The following ZNF804A variants were observed in gnomAD, a reference collection of about 807,000 sequenced individuals.
ZNF804A encodes the protein zinc finger protein 804A.
A neutral mutation model predicts 16.5 loss-of-function variants in ZNF804A; 2 were observed. The ratio of observed to expected loss-of-function variants is 0.12; its 90% CI spans 0.05 to 0.38. The LOEUF (loss-of-function observed/expected upper bound fraction) is 0.38. ZNF804A is among the 10% of genes least tolerant of loss of function. The pLI, the probability that ZNF804A is intolerant of heterozygous loss-of-function variation, is 0.99. For synonymous variants in ZNF804A, 534 were observed against 489.6 expected (o/e 1.09, Z -1.20); for missense variants, 1,473 against 1,390.7 (o/e 1.06, Z -0.94).
intron 1 of ZNF804A, among the ~76,000 whole-genome samples, chr2:184,808,265 T>C (rs902772742): frequency 6.6e-6 from 1 of 151,736 alleles, no homozygotes; most frequent in East Asian, 1.9e-4. Context: ...TTTAATTTTG[T>C]TTTTATAGTA....
At chr2:184,692,062 A>T (rs1559127668) in intron 1 of ZNF804A, among the ~76,000 whole-genome samples, 1 of 152,066 alleles carries the variant, frequency 6.6e-6, no homozygotes, top group Non-Finnish European at 1.5e-5. Context: ...TTAAGGCTTT[A>T]TGTCTTTGTC....
chr2:184,894,969 C>T (rs1041794201), intron 2 of ZNF804A, among the ~76,000 whole-genome samples: 2 of 152,024 alleles, frequency 1.3e-5, no homozygotes, highest in Admixed American at 1.3e-4. Flanking sequence ...TTAAGATATA[C>T]GTAAAAATAG....
At chr2:184,666,592 T>G (rs957053096) in intron 1 of ZNF804A, among the ~76,000 whole-genome samples, 1 of 152,108 alleles carries the variant, frequency 6.6e-6, no homozygotes, top group Non-Finnish European at 1.5e-5. Context: ...CACTTTGTCC[T>G]GCACAAGTTG....
chr2:184,829,148 C>A (rs918797044), intron 1 of ZNF804A, among the ~76,000 whole-genome samples: 9 of 151,476 alleles, frequency 5.9e-5, no homozygotes, highest in Non-Finnish European at 1.3e-4. Flanking sequence ...TATACATAAT[C>A]TAAATCTAAA....
At chr2:184,622,459 G>T (rs911617006) in intron 1 of ZNF804A, among the ~76,000 whole-genome samples, 1 of 151,608 alleles carries the variant, frequency 6.6e-6, no homozygotes. Context: ...TGCACCAAAA[G>T]GAGCCTTGAT....
chr2:184,869,479 G>C (rs189907787), intron 2 of ZNF804A, among the ~76,000 whole-genome samples: 3 of 152,008 alleles, frequency 2.0e-5, no homozygotes, highest in African/African-American at 4.8e-5. Flanking sequence ...ATATGACTTT[G>C]GGTTAAATAA....
At chr2:184,734,352 T>A (rs1407637270) in intron 1 of ZNF804A, among the ~76,000 whole-genome samples, 1 of 152,216 alleles carries the variant, frequency 6.6e-6, no homozygotes, top group Non-Finnish European at 1.5e-5. Context: ...TCCTACAAAC[T>A]TTTGTAAATT....
intron 1 of ZNF804A, among the ~76,000 whole-genome samples, chr2:184,805,956 A>G (rs1694794541): frequency 6.6e-6 from 1 of 151,972 alleles, no homozygotes; most frequent in Non-Finnish European, 1.5e-5. Context: ...TATTATCTAC[A>G]ATTCTGTAGA....
At chr2:184,658,310 TA>T (rs1377648832) in intron 1 of ZNF804A, among the ~76,000 whole-genome samples, 1 of 152,022 alleles carries the variant, frequency 6.6e-6, no homozygotes, top group East Asian at 1.9e-4. Context: ...ATTTTTAGCC[TA>T]CTAAAAATAC....
At chr2:184,621,321 G>C (rs1047961903) in intron 1 of ZNF804A, among the ~76,000 whole-genome samples, 6 of 151,580 alleles carry the variant, frequency 4.0e-5, no homozygotes, top group African/African-American at 1.5e-4. Flanking sequence ...GTTGATCCCA[G>C]CAACAAATTA....
chr2:184,615,075 A>T (rs1318856068), intron 1 of ZNF804A, among the ~76,000 whole-genome samples: 30 of 152,234 alleles, frequency 2.0e-4, no homozygotes, highest in Non-Finnish European at 4.4e-5. Flanking sequence ...TACTCTAAAG[A>T]CACATGCACA....
chr2:184,831,727 G>C (rs1225751930), intron 1 of ZNF804A, among the ~76,000 whole-genome samples: 1 of 147,512 alleles, frequency 6.8e-6, no homozygotes, highest in Non-Finnish European at 1.5e-5. Context: ...ATGTGATGTT[G>C]GCCTCACTTA....
chr2:184,684,096 A>T (rs1029590591), intron 1 of ZNF804A, among the ~76,000 whole-genome samples: 3 of 152,234 alleles, frequency 2.0e-5, no homozygotes, highest in Admixed American at 6.5e-5. Context: ...GTAGAGTGAT[A>T]CTTTTTGATA....
chr2:184,894,771 C>T (rs1685039022), intron 2 of ZNF804A, among the ~76,000 whole-genome samples: 1 of 152,028 alleles, frequency 6.6e-6, no homozygotes, highest in Non-Finnish European at 1.5e-5. Flanking sequence ...CTGCAAGCTT[C>T]GCCTCCCAGG....
intron 1 of ZNF804A, among the ~76,000 whole-genome samples, chr2:184,627,014 A>G (rs1007675465): frequency 1.3e-5 from 2 of 152,176 alleles, no homozygotes; most frequent in African/African-American, 4.8e-5. Flanking sequence ...TCTCTAAACG[A>G]AATTTCTTGC....
At chr2:184,701,614 A>G (rs564829689) in intron 1 of ZNF804A, among the ~76,000 whole-genome samples, 89 of 151,948 alleles carry the variant, frequency 5.9e-4, no homozygotes, top group Non-Finnish European at 1.1e-3. Context: ...GTTTAGTGCC[A>G]CTAGATGTCT....
chr2:184,691,851 T>C (rs1692735764), intron 1 of ZNF804A, among the ~76,000 whole-genome samples: 1 of 151,972 alleles, frequency 6.6e-6, no homozygotes, highest in South Asian at 2.1e-4. Flanking sequence ...AGCACAGTGA[T>C]CCCAGAAATA....
rs1250141036 is a variant in ZNF804A at position 184,882,743 on chromosome 2, A to T, written c.255+16231A>T. ...ATCAAGAAATTACTTGAAACTAATG[A>T]GAAGATGCAACATACCAGAATCTCT... On this transcript the variant is annotated intron_variant, in intron 2 of 3. Coordinates refer to ENST00000302277, the MANE Select transcript of ZNF804A (RefSeq NM_194250.2). 3.3e-5 allele frequency among the ~76,000 whole-genome samples: 5 copies of T among 152,106 alleles called. No homozygotes were observed. The East Asian group carries it at 9.7e-4, about 29-fold the overall frequency.
chr2:184,897,037 T>C (rs891199093), intron 2 of ZNF804A, among the ~76,000 whole-genome samples: 2 of 152,136 alleles, frequency 1.3e-5, no homozygotes, highest in Admixed American at 1.3e-4. Flanking sequence ...ATTTCTCATG[T>C]TGTACTATCT....
Sources: gnomAD v4.1 joint callset for allele counts (sites outside exome capture counted in the v4.1 genomes callset) on GRCh38, gnomAD v4.1.1 for gene constraint, MANE v1.5 for transcripts, NCBI Gene and HGNC (gene_info 2026-07-23, HGNC 2026-07-21) for gene names.